SPPL2B: variants seen among roughly 807,000 people sequenced by gnomAD.
The protein encoded by SPPL2B is signal peptide peptidase like 2B.
Under a neutral mutation model 59.7 loss-of-function variants are expected in SPPL2B, and 39 were observed. That is an observed-to-expected ratio of 0.65 (90% CI 0.51 to 0.85). SPPL2B has a LOEUF of 0.85. SPPL2B is among the 40% of genes least tolerant of loss of function. The pLI is 0.00. For missense variants in SPPL2B, 865 were observed against 849.0 expected (o/e 1.02, Z -0.23); for synonymous variants, 419 against 370.8 (o/e 1.13, Z -1.49).
chr19:2,334,166 G>A (rs1324179094), intron 1 of SPPL2B, among the ~76,000 whole-genome samples: 1 of 152,230 alleles, frequency 6.6e-6, no homozygotes, highest in African/African-American at 2.4e-5. Flanking sequence ...AGGCTTGCTT[G>A]TCCAGGCCTC....
In SPPL2B at chr19:2,351,566, G is replaced by T; in HGVS notation, c.1487G>T (p.Gly496Val). Residue 496 changes from glycine (G) to valine (V), a missense_variant, in exon 14 of 15, where the codon GGC becomes GTC. Gly to Val is a moderately radical substitution (Grantham distance 109, BLOSUM62 -3). Transcript: ENST00000613503. ...CAVALWRREL[G>V]VFWTGSGFAK... is the part of the protein sequence containing the mutation. ...GTGGCGCTCTGGCGCCGGGAGCTGGGCGTGTTCTGGACGGGCAGCGGCTTT... is the reference window on the plus strand; with the variant it reads ...GTGGCGCTCTGGCGCCGGGAGCTGGTCGTGTTCTGGACGGGCAGCGGCTTT... The T allele has an allele frequency of 6.2e-7, 1 of 1,611,272 alleles. No homozygotes were observed.
At chr19:2,337,762 C>G in intron 3 of SPPL2B, 137 bp downstream of exon 3, 6 of 885,758 alleles carry the variant, frequency 6.8e-6, no homozygotes, top group Non-Finnish European at 9.8e-6. Context: ...GGATCTGGGC[C>G]GAGTGTGAAC....
chr19:2,350,553 C>G (rs375972822), intron 13 of SPPL2B, among the ~76,000 whole-genome samples: 1 of 152,272 alleles, frequency 6.6e-6, no homozygotes, highest in African/African-American at 2.4e-5. Context: ...GCAGTTGGCC[C>G]TCACTAGCCA....
chr19:2,351,702 G>T, intron 14 of SPPL2B, 108 bp downstream of exon 14: 2 of 1,446,534 alleles, frequency 1.4e-6, no homozygotes, highest in Non-Finnish European at 1.9e-6. Context: ...GGCCGCGACG[G>T]GGCTCAGGGT....
At chr19:2,339,650 G>A in intron 5 of SPPL2B, 174 bp from the exon 6 acceptor site, 1 of 706,100 alleles carries the variant, frequency 1.4e-6, no homozygotes, top group East Asian at 2.7e-5. Context: ...ACCCTCTGCT[G>A]TGTGGTCTCC....
chr19:2,344,297 T>C, intron 10 of SPPL2B, 65 bp from the exon 11 acceptor site: 2 of 349,680 alleles, frequency 5.7e-6, no homozygotes, highest in Admixed American at 4.2e-5. Context: ...CCTCGCCCCA[T>C]CACCCCACTC....
intron 14 of SPPL2B, 149 bp downstream of exon 14, chr19:2,351,743 CGT>C (rs1969936637): frequency 2.1e-6 from 2 of 947,272 alleles, no homozygotes; most frequent in South Asian, 1.7e-5. Flanking sequence ...GTGTCATGCG[CGT>C]GAGGCCCCGG....
At chr19:2,346,216 G>A (rs1969360604) in intron 13 of SPPL2B, among the ~76,000 whole-genome samples, 1 of 152,228 alleles carries the variant, frequency 6.6e-6, no homozygotes, top group South Asian at 2.1e-4. Flanking sequence ...GCCGAGCCAC[G>A]CCCCCGACCC....
At chr19:2,345,462 T>A (rs1471883698) in intron 13 of SPPL2B, 132 bp downstream of exon 13, 12 of 766,836 alleles carry the variant, frequency 1.6e-5, no homozygotes, top group Non-Finnish European at 2.6e-5. Flanking sequence ...ACCGTAACCA[T>A]AACACCCTAA....
At chr19:2,339,534 G>T in intron 5 of SPPL2B, 1 of 583,842 alleles carries the variant, frequency 1.7e-6, no homozygotes, top group South Asian at 2.0e-5. Context: ...GAGGCCCCAT[G>T]TCCAGGGCTC....
Position 2,338,809 on chromosome 19 carries a change from C to T in SPPL2B, c.427C>T (p.Leu143Phe), listed in dbSNP as rs1968814550. The T allele has an allele frequency of 1.9e-6, 3 of 1,613,638 alleles. No individual in the cohort carries two copies. The highest frequency in any genetic ancestry group is 4.5e-5 in the East Asian group (2 of 44,876). ...YDEIGIPVAL[L>F]SYKDMLDIFT... Reference sequence around the variant, plus strand: ...TGAGATTGGCATTCCCGTGGCCCTGCTCAGCTACAAAGACATGCTGGACAT... The same window carrying T: ...TGAGATTGGCATTCCCGTGGCCCTGTTCAGCTACAAAGACATGCTGGACAT... Residue 143 changes from leucine to phenylalanine, a missense_variant, in exon 4 of 15, where the codon CTC (leucine) becomes TTC (phenylalanine). Coordinates refer to ENST00000613503, the MANE Select transcript of SPPL2B (RefSeq NM_152988.3).
At chr19:2,329,439 T>A (rs894225375) in intron 1 of SPPL2B, among the ~76,000 whole-genome samples, 6 of 152,206 alleles carry the variant, frequency 3.9e-5, no homozygotes, top group African/African-American at 1.4e-4. Flanking sequence ...ATGTTCATTG[T>A]GTGTCATTTG....
intron 13 of SPPL2B, 129 bp downstream of exon 13, chr19:2,345,459 C>A: frequency 1.3e-6 from 1 of 784,000 alleles, no homozygotes. Context: ...AACACCGTAA[C>A]CATAACACCC....
intron 13 of SPPL2B, among the ~76,000 whole-genome samples, 154 bp from the exon 14 acceptor site, chr19:2,351,280 G>A (rs111566010): frequency 0.018 from 2,732 of 152,282 alleles, 55 homozygotes; most frequent in African/African-American, 0.052. Flanking sequence ...ACTTTGGGGA[G>A]CCTGTGGCCC....
intron 1 of SPPL2B, chr19:2,330,502 G>C (rs1307885397): frequency 6.6e-6 from 1 of 152,436 alleles, no homozygotes; most frequent in African/African-American, 2.4e-5. Context: ...CAGCATAAGC[G>C]GGGGCTGGGA....
chr19:2,340,342 G>C (rs1025423280), intron 7 of SPPL2B, among the ~76,000 whole-genome samples, 170 bp downstream of exon 7: 10 of 152,116 alleles, frequency 6.6e-5, no homozygotes, highest in African/African-American at 2.4e-4. Context: ...GAGTCTGGGC[G>C]AGCTATCAAT....
chr19:2,343,960 C>A lies in SPPL2B; in HGVS notation c.1039-5C>A, dbSNP rs558228890. On this transcript the variant is annotated splice_polypyrimidine_tract_variant and splice_region_variant and intron_variant, in intron 9 of 14. Coordinates refer to ENST00000613503, the MANE Select transcript of SPPL2B (RefSeq NM_152988.3). ...GGGGGCCGCCCTCAGCCGTGGGCTT[C>A]GCAGGCCTGCACGCTGCTGCTGCTG... The A allele has an allele frequency of 1.9e-6, 3 of 1,547,532 alleles. No homozygotes were observed. Among genetic ancestry groups the A allele is most frequent in the Non-Finnish European group, 2.6e-6 (3 of 1,146,282 alleles).
At chr19:2,350,283 C>T (rs546897907) in intron 13 of SPPL2B, among the ~76,000 whole-genome samples, 4 of 146,586 alleles carry the variant, frequency 2.7e-5, no homozygotes, top group Non-Finnish European at 3.0e-5. Flanking sequence ...TTCTCTCTCT[C>T]CACACACTCA....
intron 7 of SPPL2B, 84 bp downstream of exon 7, chr19:2,340,256 G>A: frequency 1.8e-6 from 2 of 1,085,612 alleles, no homozygotes; most frequent in Non-Finnish European, 2.6e-6. Flanking sequence ...GCCCCCCATG[G>A]TGCAATATTG....
Sources: gnomAD v4.1 joint callset for allele counts (sites outside exome capture counted in the v4.1 genomes callset) on GRCh38, gnomAD v4.1.1 for gene constraint, MANE v1.5 for transcripts, NCBI Gene and HGNC (gene_info 2026-07-23, HGNC 2026-07-21) for gene names.